The following CNNM1 variants were observed in gnomAD, a reference collection of about 807,000 sequenced individuals.
CNNM1 encodes the protein metal transporter CNNM1.
CNNM1 carries 44 observed loss-of-function variants against 78.8 expected under a neutral mutation model. That is an observed-to-expected ratio of 0.56 (90% confidence interval 0.44 to 0.72). CNNM1 has a LOEUF of 0.72. Ranked by LOEUF, CNNM1 falls within the 30% of genes least tolerant of loss-of-function variation. The pLI is 0.00. For synonymous variants in CNNM1, 584 were observed against 581.5 expected, an observed-to-expected ratio of 1.00 and a Z score of -0.06; for missense variants, 1,101 against 1,292.2, an observed-to-expected ratio of 0.85 and a Z score of 2.27.
At chr10:99,363,569 A>C (rs954435193) in intron 4 of CNNM1, among the ~76,000 whole-genome samples, 2 of 152,096 alleles carry the variant, frequency 1.3e-5, no homozygotes, top group Admixed American at 6.5e-5. Flanking sequence ...AGTTCCCTGT[A>C]AATCAGGGAT....
At chr10:99,345,904 A>T (rs2030673572) in intron 1 of CNNM1, among the ~76,000 whole-genome samples, 2 of 152,138 alleles carry the variant, frequency 1.3e-5, no homozygotes. Context: ...CATGTTGCCC[A>T]GGGTGGTGTC....
chr10:99,336,267 C>T (rs936056663), intron 1 of CNNM1, among the ~76,000 whole-genome samples: 16 of 152,202 alleles, frequency 1.1e-4, no homozygotes, highest in African/African-American at 1.9e-4. Context: ...TGTTTAGATA[C>T]GCAAATACTT....
chr10:99,332,867 A>G (rs1037148335), intron 1 of CNNM1, among the ~76,000 whole-genome samples: 1 of 152,168 alleles, frequency 6.6e-6, no homozygotes, highest in Admixed American at 6.5e-5. Flanking sequence ...CCTTGCATTC[A>G]TAGTTCCCAC....
chr10:99,386,227 T>C (rs2032300393), intron 7 of CNNM1, among the ~76,000 whole-genome samples: 1 of 152,192 alleles, frequency 6.6e-6, no homozygotes, highest in Non-Finnish European at 1.5e-5. Context: ...AACCAAAACC[T>C]GAGTAGTACC....
At chr10:99,378,163 C>T (rs1317847596) in intron 7 of CNNM1, among the ~76,000 whole-genome samples, 1 of 152,074 alleles carries the variant, frequency 6.6e-6, no homozygotes, top group Non-Finnish European at 1.5e-5. Context: ...GGGGTTTCAC[C>T]ATGTTGGTCA....
intron 1 of CNNM1, among the ~76,000 whole-genome samples, chr10:99,345,245 A>G (rs11190062): frequency 0.84 from 128,034 of 152,208 alleles, 54,125 homozygotes; most frequent in African/African-American, 0.9. Flanking sequence ...AGAAACTACT[A>G]TGGCAAAAAC....
chr10:99,380,386 A>C (rs1589919611), intron 7 of CNNM1, among the ~76,000 whole-genome samples: 1 of 152,160 alleles, frequency 6.6e-6, no homozygotes, highest in African/African-American at 2.4e-5. Context: ...TGGGCAAAAC[A>C]TCATTAGGCT....
chr10:99,329,751 G>A lies in CNNM1; in HGVS notation c.364G>A (p.Ala122Thr). The change falls in exon 1 of 11, where the codon GCG becomes ACG. Residue 122 changes from alanine (A) to threonine (T), a missense_variant. Physicochemically the swap from Ala to Thr is moderately conservative, Grantham distance 58. This residue lies in a region of CNNM1 where 476 missense variants were observed against 484.5 expected (regional missense o/e 0.98). Coordinates refer to ENST00000356713, the MANE Select transcript of CNNM1 (RefSeq NM_020348.3). ...PPGGGGVAPS[A>T]VPTRPPGPQR... Reference sequence around the variant, plus strand: ...GGGCGGTGGCGGCGTGGCCCCCAGCGCGGTCCCCACTCGCCCCCCGGGACC... The same window carrying A: ...GGGCGGTGGCGGCGTGGCCCCCAGCACGGTCCCCACTCGCCCCCCGGGACC... The A allele has an allele frequency of 6.7e-7, 1 of 1,501,768 alleles. No homozygotes were observed. Among genetic ancestry groups the A allele is most frequent in the Non-Finnish European group, 8.8e-7 (1 of 1,134,664 alleles). The allele number at this position is 1,501,768 out of a possible 1,614,324, so 93.0% of individuals were successfully genotyped here.
chr10:99,388,041 TG>T (rs887129298), intron 8 of CNNM1, 38 bp downstream of exon 8: 1 of 1,576,726 alleles, frequency 6.3e-7, no homozygotes, highest in African/African-American at 1.3e-5. Context: ...TGGGCTGGTG[TG>T]GGGTGAGGAT....
At chr10:99,333,501 C>T (rs1050024455) in intron 1 of CNNM1, among the ~76,000 whole-genome samples, 1 of 152,132 alleles carries the variant, frequency 6.6e-6, no homozygotes, top group East Asian at 1.9e-4. Context: ...TGCACCAACA[C>T]GCCTGGCTAA....
rs2134069436 is a variant in CNNM1 at position 99,377,116 on chromosome 10, C to T, written c.2238C>T (p.Arg746=). Reference sequence around the variant, plus strand: ...GCTCTGAGTCTCCAAACCGAGAGCGCAGTGACTTTGGGGGCAGCAACACCC... The same window carrying T: ...GCTCTGAGTCTCCAAACCGAGAGCGTAGTGACTTTGGGGGCAGCAACACCC... The part of the protein sequence containing the change: ...LNRSESPNRE[R]SDFGGSNTQL... The change falls in exon 7 of 11, where the codon CGC becomes CGT. Residue 746 remains arginine, a synonymous_variant. Coordinates refer to ENST00000356713, the MANE Select transcript of CNNM1 (RefSeq NM_020348.3). 1 of 1,608,648 alleles carries T rather than the reference C, an allele frequency of 6.2e-7. No individual in the cohort carries two copies. The highest frequency in any genetic ancestry group is 1.1e-5 in the South Asian group (1 of 89,714).
intron 6 of CNNM1, chr10:99,368,475 T>A: frequency 2.6e-6 from 1 of 387,608 alleles, no homozygotes; most frequent in East Asian, 7.4e-5. Flanking sequence ...GTTTTCAGAG[T>A]CAAGATTCCT....
chr10:99,363,390 C>G (rs1224147660), intron 4 of CNNM1, among the ~76,000 whole-genome samples: 5 of 152,198 alleles, frequency 3.3e-5, no homozygotes, highest in Admixed American at 3.3e-4. Context: ...CACATAGTTT[C>G]ATGTCTTATG....
Position 99,330,609 on chromosome 10 carries a change from A to G in CNNM1, c.1222A>G (p.Ser408Gly), listed in dbSNP as rs1850593681. The G allele has an allele frequency of 1.2e-6, 2 of 1,613,650 alleles. No individual in the cohort carries two copies. The highest frequency in any genetic ancestry group is 1.3e-5 in the African/African-American group (1 of 75,054). ...GACGTTGCGGGCCGCAGACCCCTAC[A>G]GTGACCTGGTGAAGGAGGAGCTCAA... The part of the protein sequence containing the change: ...LETLRAADPY[S>G]DLVKEELNII... The change falls in exon 1 of 11, where the codon AGT (serine) becomes GGT (glycine). Residue 408 changes from serine (S) to glycine (G), a missense_variant. Ser to Gly is a moderately conservative substitution (Grantham distance 56). Around this residue, in one of 3 missense-constraint regions of CNNM1, gnomAD observed 277 missense variants for 423.2 expected, o/e 0.65. Transcript: ENST00000356713.
chr10:99,360,899 T>G lies in CNNM1; in HGVS notation c.1782T>G (p.Phe594Leu). 1 of 1,613,272 alleles carries G rather than the reference T, an allele frequency of 6.2e-7. No individual in the cohort carries two copies. Among genetic ancestry groups the G allele is most frequent in the Non-Finnish European group, 8.5e-7 (1 of 1,179,284 alleles). Residue 594 changes from phenylalanine to leucine, a missense_variant, in exon 3 of 11, where the codon TTT (phenylalanine) becomes TTG (leucine). By Grantham distance (22) the Phe-to-Leu change is conservative (BLOSUM62 0). This residue lies in a region of CNNM1 where 277 missense variants were observed against 423.2 expected (regional missense o/e 0.65). Coordinates refer to ENST00000356713, the MANE Select transcript of CNNM1 (RefSeq NM_020348.3). ...RERKRHDFSLFKLSDTEMRVK... is the reference protein window; with the variant it reads ...RERKRHDFSLLKLSDTEMRVK... The stretch of plus-strand genomic sequence containing the variant: ...GGAAGCGGCATGACTTCTCCTTGTT[T>G]AAGCTTTCGGACACGGAGATGCGGG...
At chr10:99,340,326 A>T (rs1027879305) in intron 1 of CNNM1, among the ~76,000 whole-genome samples, 1 of 152,178 alleles carries the variant, frequency 6.6e-6, no homozygotes, top group Non-Finnish European at 1.5e-5. Flanking sequence ...AGATTTAGTT[A>T]TCTTTCCCGG....
intron 7 of CNNM1, among the ~76,000 whole-genome samples, chr10:99,377,498 T>A: frequency 6.6e-6 from 1 of 152,210 alleles, no homozygotes; most frequent in Non-Finnish European, 1.5e-5. Context: ...TGACACAAAT[T>A]GCTGCCAGAA....
intron 1 of CNNM1, among the ~76,000 whole-genome samples, chr10:99,349,780 C>A (rs2030863226): frequency 6.6e-6 from 1 of 152,182 alleles, no homozygotes; most frequent in Non-Finnish European, 1.5e-5. Flanking sequence ...GTGGGCGGAT[C>A]ATGAGGTCAG....
At chr10:99,381,573 C>T (rs1008789761) in intron 7 of CNNM1, among the ~76,000 whole-genome samples, 7 of 151,660 alleles carry the variant, frequency 4.6e-5, no homozygotes, top group African/African-American at 1.7e-4. Flanking sequence ...GAAACCCCAT[C>T]TCTACTAAAA....
Sources: gnomAD v4.1 joint callset for allele counts (sites outside exome capture counted in the v4.1 genomes callset) on GRCh38, gnomAD v4.1.1 for gene constraint, gnomAD v4.1.1 regional missense constraint, MANE v1.5 for transcripts, NCBI Gene and HGNC (gene_info 2026-07-23, HGNC 2026-07-21) for gene names.